CLVS1: variants seen among roughly 807,000 people sequenced by gnomAD.
CLVS1 encodes clavesin-1.
A neutral mutation model predicts 33.1 loss-of-function variants in CLVS1; 10 were observed. The ratio of observed to expected loss-of-function variants is 0.30; its 90% CI spans 0.19 to 0.51. CLVS1 has a LOEUF of 0.51. CLVS1 is among the 20% of genes least tolerant of loss of function. The pLI is 0.97. For synonymous variants in CLVS1, 163 were observed against 166.1 expected, an observed-to-expected ratio of 0.98 and a Z score of 0.14; for missense variants, 343 against 433.4, an observed-to-expected ratio of 0.79 and a Z score of 1.85.
upstream of CLVS1, among the ~76,000 whole-genome samples, chr8:61,053,085 A>T (rs1047546104): frequency 2.6e-5 from 4 of 152,208 alleles, no homozygotes; most frequent in Non-Finnish European, 5.9e-5. Flanking sequence ...GAGCAACTGC[A>T]GGAAAGGAGC....
chr8:60,996,867 T>C, the CLVS1 span, among the ~76,000 whole-genome samples: 1 of 152,150 alleles, frequency 6.6e-6, no homozygotes, highest in Non-Finnish European at 1.5e-5. Flanking sequence ...TCTGCTCTTT[T>C]AGTTAATGAC....
chr8:61,123,118 A>G (rs1301436164), intron 1 of CLVS1, among the ~76,000 whole-genome samples: 1 of 142,206 alleles, frequency 7.0e-6, no homozygotes, highest in Non-Finnish European at 1.5e-5. Context: ...AAAGATACAA[A>G]ATTAGCCGGG....
At chr8:61,043,365 G>C in the CLVS1 span, among the ~76,000 whole-genome samples, 1 of 152,180 alleles carries the variant, frequency 6.6e-6, no homozygotes, top group African/African-American at 2.4e-5. Context: ...GAGGCTAAGT[G>C]CTACACTAAC....
intron 2 of CLVS1, among the ~76,000 whole-genome samples, chr8:61,326,608 A>G (rs1329887587): frequency 1.3e-5 from 2 of 152,192 alleles, no homozygotes; most frequent in East Asian, 3.9e-4. Flanking sequence ...TAGGAGGTGC[A>G]GCATAATCGC....
chr8:61,203,073 TAA>T (rs1371999854), intron 2 of CLVS1: 1 of 1,298,718 alleles, frequency 7.7e-7, no homozygotes. Context: ...CCTAGTTCTG[TAA>T]AAGACATTAA....
At chr8:61,101,626 G>A (rs965227215) in intron 1 of CLVS1, among the ~76,000 whole-genome samples, 8 of 152,042 alleles carry the variant, frequency 5.3e-5, no homozygotes, top group Middle Eastern at 6.3e-3. Context: ...CTTTGATGAT[G>A]TCTGGTTTAT....
chr8:61,074,904 A>C (rs1292802218), intron 1 of CLVS1, among the ~76,000 whole-genome samples: 2 of 152,190 alleles, frequency 1.3e-5, no homozygotes, highest in African/African-American at 4.8e-5. Flanking sequence ...GGATGAATAG[A>C]GAGGGCTTCT....
rs1324353543 is a variant in CLVS1, at chr8:61,291,318, C to T, written c.-152+3180C>T. On this transcript the variant is annotated intron_variant, in intron 1 of 5. Transcript: ENST00000325897. Reference sequence around the variant, plus strand: ...TTCTGAGCCAGCAGAAATTTCTCCACATGTGTTTGAGATGATCTGTTCTTG... The same window carrying T: ...TTCTGAGCCAGCAGAAATTTCTCCATATGTGTTTGAGATGATCTGTTCTTG... Among the ~76,000 whole-genome samples, 10 of 152,302 alleles carry T rather than the reference C, an allele frequency of 6.6e-5. No homozygotes were observed. In the East Asian group the frequency reaches 1.7e-3, roughly 26 times the overall value.
At chr8:61,119,511 T>C (rs748717003) in intron 1 of CLVS1, among the ~76,000 whole-genome samples, 378 of 148,818 alleles carry the variant, frequency 2.5e-3, no homozygotes, top group Non-Finnish European at 4.0e-3. Context: ...CGGCTGGTAC[T>C]GGTTGTTCCT....
chr8:61,318,063 A>G (rs1242796783), intron 2 of CLVS1, among the ~76,000 whole-genome samples: 1 of 152,186 alleles, frequency 6.6e-6, no homozygotes, highest in Non-Finnish European at 1.5e-5. Flanking sequence ...ATGCTTGAAA[A>G]TGTCATTTCT....
chr8:61,096,776 G>C (rs1311907033), intron 1 of CLVS1, among the ~76,000 whole-genome samples: 1 of 152,082 alleles, frequency 6.6e-6, no homozygotes, highest in Non-Finnish European at 1.5e-5. Flanking sequence ...TTATGAAGAC[G>C]GTCATCACAG....
intron 3 of CLVS1, among the ~76,000 whole-genome samples, chr8:61,391,536 AT>A (rs1457606029): frequency 6.6e-6 from 1 of 152,186 alleles, no homozygotes; most frequent in Non-Finnish European, 1.5e-5. Context: ...CATAAAAATG[AT>A]TTTTTTCTGC....
intron 3 of CLVS1, among the ~76,000 whole-genome samples, chr8:61,381,455 G>A (rs1208199317): frequency 1.3e-5 from 2 of 151,866 alleles, no homozygotes; most frequent in South Asian, 2.1e-4. Context: ...TTTATTTTAG[G>A]CTCATGGGGT....
intron 5 of CLVS1, among the ~76,000 whole-genome samples, chr8:61,484,399 C>T (rs1006766577): frequency 6.6e-6 from 1 of 152,024 alleles, no homozygotes; most frequent in Non-Finnish European, 1.5e-5. Flanking sequence ...ATGTGAAGGA[C>T]TTATTCAAGG....
intron 5 of CLVS1, among the ~76,000 whole-genome samples, chr8:61,482,436 G>T (rs1818231411): frequency 2.6e-5 from 4 of 152,202 alleles, no homozygotes; most frequent in Non-Finnish European, 2.9e-5. Flanking sequence ...CGAACCCATT[G>T]CAAAGAAGCT....
chr8:61,036,281 C>G, the CLVS1 span, among the ~76,000 whole-genome samples: 1 of 152,170 alleles, frequency 6.6e-6, no homozygotes, highest in East Asian at 1.9e-4. Context: ...AACAATGCAG[C>G]CTTCTGGAAA....
intron 2 of CLVS1, among the ~76,000 whole-genome samples, chr8:61,261,349 A>G (rs1809199579): frequency 6.6e-6 from 1 of 152,208 alleles, no homozygotes; most frequent in African/African-American, 2.4e-5. Flanking sequence ...TTTGACTAAC[A>G]AAGTTAATTT....
At chr8:61,311,027 G>T (rs76733881) in intron 2 of CLVS1, among the ~76,000 whole-genome samples, 2,948 of 152,272 alleles carry the variant, frequency 0.019, 105 homozygotes, top group African/African-American at 0.066. Context: ...AGAAGAAGAG[G>T]TCAGACAGGC....
At chr8:61,329,203 A>ATCTCTCTCTCTCTC (rs34303330) in intron 2 of CLVS1, among the ~76,000 whole-genome samples, 5 of 145,096 alleles carry the variant, frequency 3.4e-5, no homozygotes, top group African/African-American at 1.3e-4. Context: ...ACCCCTCCTC[A>ATCTCTCTCTCTCTC]TCTCTCTCTC....
Sources: gnomAD v4.1 joint callset for allele counts (sites outside exome capture counted in the v4.1 genomes callset) on GRCh38, gnomAD v4.1.1 for gene constraint, MANE v1.5 for transcripts, NCBI Gene and HGNC (gene_info 2026-07-23, HGNC 2026-07-21) for gene names.